Variants in ADAM32 observed in about 807,000 individuals in gnomAD.
The protein encoded by ADAM32 is ADAM metallopeptidase domain 32, also known as disintegrin and metalloproteinase domain-containing protein 32.
In ADAM32, 89 loss-of-function variants were observed where a neutral mutation model predicts 114.9. The ratio of observed to expected loss-of-function variants is 0.77; its 90% CI spans 0.65 to 0.92. ADAM32 has a LOEUF of 0.92. Ranked by LOEUF, ADAM32 falls within the 40% of genes least tolerant of loss-of-function variation. ADAM32 has a pLI of 0.00. For synonymous variants in ADAM32, 285 were observed against 307.5 expected, an observed-to-expected ratio of 0.93 and a Z score of 0.77; for missense variants, 870 against 932.8, an observed-to-expected ratio of 0.93 and a Z score of 0.88.
At chr8:39,230,842 CTAAA>C (rs1310786680) in intron 14 of ADAM32, among the ~76,000 whole-genome samples, 4 of 152,094 alleles carry the variant, frequency 2.6e-5, no homozygotes, top group Admixed American at 6.6e-5. Flanking sequence ...TTAAGAGTGA[CTAAA>C]TAGCCATAAT....
chr8:39,195,962 C>G (rs1158062047), intron 11 of ADAM32, among the ~76,000 whole-genome samples: 1 of 152,136 alleles, frequency 6.6e-6, no homozygotes, highest in Non-Finnish European at 1.5e-5. Flanking sequence ...ATTAATTTCT[C>G]TACTCCACAT....
At chr8:39,241,892 C>G (rs1810585252) in intron 16 of ADAM32, among the ~76,000 whole-genome samples, 1 of 152,222 alleles carries the variant, frequency 6.6e-6, no homozygotes, top group African/African-American at 2.4e-5. Context: ...GTGGGATTTT[C>G]TTTTCTATTG....
At chr8:39,132,288 T>C (rs1588488493) in intron 2 of ADAM32, among the ~76,000 whole-genome samples, 1 of 152,388 alleles carries the variant, frequency 6.6e-6, no homozygotes, top group African/African-American at 2.4e-5. Flanking sequence ...TATAGGTATT[T>C]ATATGGTTGA....
At chr8:39,107,968 T>A in intron 1 of ADAM32, 135 bp downstream of exon 1, 1 of 1,212,786 alleles carries the variant, frequency 8.2e-7, no homozygotes, top group Non-Finnish European at 1.1e-6. Flanking sequence ...TTCCAGGGGA[T>A]TAGGCGCCCC....
At chr8:39,162,624 C>A (rs1181647956) in intron 7 of ADAM32, among the ~76,000 whole-genome samples, 2 of 152,084 alleles carry the variant, frequency 1.3e-5, no homozygotes, top group African/African-American at 4.8e-5. Flanking sequence ...TGTGATGATT[C>A]CAAATTGCCA....
chr8:39,117,206 A>G (rs1840415274), intron 1 of ADAM32, among the ~76,000 whole-genome samples: 1 of 152,204 alleles, frequency 6.6e-6, no homozygotes, highest in African/African-American at 2.4e-5. Context: ...TAAGGAAATC[A>G]GTATGCTTAT....
intron 10 of ADAM32, among the ~76,000 whole-genome samples, chr8:39,174,920 C>T (rs1217121279): frequency 1.3e-5 from 2 of 151,962 alleles, no homozygotes; most frequent in African/African-American, 4.8e-5. Flanking sequence ...TAGCTGTATT[C>T]CTAGGTATTT....
intron 2 of ADAM32, among the ~76,000 whole-genome samples, chr8:39,124,841 A>G (rs1802019401): frequency 6.6e-6 from 1 of 152,204 alleles, no homozygotes; most frequent in Non-Finnish European, 1.5e-5. Context: ...GGAATAGTTT[A>G]TATTCCTTTG....
chr8:39,130,117 C>T (rs1165046575), intron 2 of ADAM32: 3 of 172,876 alleles, frequency 1.7e-5, no homozygotes, highest in Non-Finnish European at 3.7e-5. Context: ...ACCATGCTCA[C>T]CTAATTTTTG....
chr8:39,201,435 C>T (rs4565427), intron 11 of ADAM32, among the ~76,000 whole-genome samples: 35,105 of 147,976 alleles, frequency 0.24, 4,708 homozygotes, highest in Non-Finnish European at 0.28. Context: ...GTTTGTCTAT[C>T]ATTGGTATAT....
intron 9 of ADAM32, chr8:39,169,033 T>C (rs1451467300): frequency 6.6e-6 from 1 of 152,132 alleles, no homozygotes; most frequent in Non-Finnish European, 1.5e-5. Flanking sequence ...CTGGAAGGGT[T>C]AGGTATAAAC....
At chr8:39,282,660 T>C (rs777410328) in intron 23 of ADAM32, among the ~76,000 whole-genome samples, 7 of 152,258 alleles carry the variant, frequency 4.6e-5, no homozygotes, top group South Asian at 2.1e-4. Flanking sequence ...TTTTCTTGTA[T>C]TTCTGTTCCT....
chr8:39,257,138 T>G, intron 18 of ADAM32, 49 bp from the exon 19 acceptor site: 1 of 1,467,904 alleles, frequency 6.8e-7, no homozygotes, highest in Non-Finnish European at 9.1e-7. Context: ...AAAGTAAAAG[T>G]AGATAGTTTA....
intron 22 of ADAM32, among the ~76,000 whole-genome samples, chr8:39,279,894 G>C (rs1413128505): frequency 6.6e-6 from 1 of 152,146 alleles, no homozygotes; most frequent in Non-Finnish European, 1.5e-5. Flanking sequence ...GCATTGGGAG[G>C]ATGAGAGTAT....
chr8:39,254,273 G>C (rs1293656316), intron 17 of ADAM32, 141 bp from the exon 18 acceptor site: 1 of 497,450 alleles, frequency 2.0e-6, no homozygotes. Flanking sequence ...TGTAGTCTAA[G>C]AAACCAAACA....
rs552207906 is a variant in ADAM32, at chr8:39,143,290, C to T, written c.201-3840C>T. Among the ~76,000 whole-genome samples, 18 of 152,302 alleles carry T rather than the reference C, an allele frequency of 1.2e-4. No individual in the cohort carries two copies. The South Asian group carries it at 3.7e-3, about 32-fold the overall frequency. Reference sequence around the variant, plus strand: ...TATTCTTTGGAGGAGAAGAGGCACTCTGTTTTTTTGGAATTTTCAGCTTTT... The same window carrying T: ...TATTCTTTGGAGGAGAAGAGGCACTTTGTTTTTTTGGAATTTTCAGCTTTT... On this transcript the variant is annotated intron_variant, in intron 3 of 24. Transcript: ENST00000379907.
chr8:39,118,257 G>T (rs779547624), intron 2 of ADAM32, 92 bp downstream of exon 2: 2 of 704,976 alleles, frequency 2.8e-6, no homozygotes, highest in Non-Finnish European at 4.2e-6. Context: ...ATTTTAATAT[G>T]AATATAATGT....
intron 10 of ADAM32, among the ~76,000 whole-genome samples, chr8:39,180,366 G>A (rs891331857): frequency 5.9e-5 from 9 of 152,200 alleles, no homozygotes; most frequent in Non-Finnish European, 7.4e-5. Context: ...GCAGGCCTCC[G>A]GACTGCAGCC....
At chr8:39,254,038 T>G (rs971182207) in intron 17 of ADAM32, among the ~76,000 whole-genome samples, 2 of 151,562 alleles carry the variant, frequency 1.3e-5, no homozygotes, top group Non-Finnish European at 3.0e-5. Context: ...TAGAGACATA[T>G]AAAGCGATGG....
Sources: allele counts gnomAD v4.1 joint callset (sites outside exome capture counted in the v4.1 genomes callset), GRCh38; gene constraint gnomAD v4.1.1; transcripts MANE v1.5; gene names NCBI Gene and HGNC (gene_info 2026-07-23, HGNC 2026-07-21).